The following F13A1 variants were observed in gnomAD, a reference collection of about 807,000 sequenced individuals.
The protein encoded by F13A1 is FSF, A subunit.
F13A1 carries 47 observed loss-of-function variants against 80.1 expected under a neutral mutation model. The ratio of observed to expected loss-of-function variants is 0.59; its 90% CI spans 0.46 to 0.75. The LOEUF is 0.75. F13A1 is among the 30% of genes least tolerant of loss of function. The pLI is 0.00. For missense variants in F13A1, 817 were observed against 930.4 expected, an observed-to-expected ratio of 0.88 and a Z score of 1.59; for synonymous variants, 349 against 344.9, an observed-to-expected ratio of 1.01 and a Z score of -0.13.
chr6:6,313,635 G>A (rs1742945), intron 2 of F13A1, among the ~76,000 whole-genome samples: 118,992 of 151,978 alleles, frequency 0.78, 47,243 homozygotes, highest in African/African-American at 0.92. Context: ...TGGTAATATT[G>A]TTATTGAACT....
At chr6:6,282,766 G>A (rs536164446) in intron 3 of F13A1, among the ~76,000 whole-genome samples, 1 of 152,316 alleles carries the variant, frequency 6.6e-6, no homozygotes, top group East Asian at 1.9e-4. Flanking sequence ...CACATCCAGT[G>A]ACTGATCACT....
At chr6:6,157,775 A>G (rs1264961916) in intron 13 of F13A1, among the ~76,000 whole-genome samples, 1 of 152,230 alleles carries the variant, frequency 6.6e-6, no homozygotes, top group Non-Finnish European at 1.5e-5. Flanking sequence ...CTGGGATTAC[A>G]GGACTGGAAT....
rs776930383 is a variant in F13A1, at chr6:6,318,503, C to A, written c.130+32G>T. The A allele has an allele frequency of 3.1e-6, 5 of 1,602,854 alleles. No homozygotes were observed. In the East Asian group the frequency reaches 1.1e-4, roughly 36 times the overall value. On this transcript the variant is annotated intron_variant, in intron 2 of 14. Transcript: ENST00000264870. ...GCCAGGGCCCGGCTGTGCCTGGACCCAGAGTGGTGGGGAAGGGGGGTATGC... is the reference window on the plus strand; with the variant it reads ...GCCAGGGCCCGGCTGTGCCTGGACCAAGAGTGGTGGGGAAGGGGGGTATGC...
At chr6:6,158,941 G>T (rs1437580514) in intron 13 of F13A1, among the ~76,000 whole-genome samples, 3 of 140,698 alleles carry the variant, frequency 2.1e-5, no homozygotes, top group Non-Finnish European at 3.0e-5. Context: ...TTGCTCTGTT[G>T]CCCAGGCTGG....
intron 12 of F13A1, among the ~76,000 whole-genome samples, chr6:6,169,688 C>A (rs1760738440): frequency 6.6e-6 from 1 of 152,158 alleles, no homozygotes; most frequent in Admixed American, 6.5e-5. Context: ...TGGGTTACTA[C>A]TGGAATCTGG....
At chr6:6,186,830 A>G (rs563733639) in intron 10 of F13A1, among the ~76,000 whole-genome samples, 6,041 of 150,036 alleles carry the variant, frequency 0.04, 438 homozygotes, top group African/African-American at 0.14. Flanking sequence ...GGCCATTTTC[A>G]CGATATTGAT....
At chr6:6,279,062 T>C (rs1758026450) in intron 3 of F13A1, among the ~76,000 whole-genome samples, 1 of 152,138 alleles carries the variant, frequency 6.6e-6, no homozygotes, top group African/African-American at 2.4e-5. Flanking sequence ...ATGTGTTTGC[T>C]TAAATTTACT....
chr6:6,198,504 A>G (rs1033917126), intron 8 of F13A1, among the ~76,000 whole-genome samples: 1 of 152,186 alleles, frequency 6.6e-6, no homozygotes, highest in African/African-American at 2.4e-5. Context: ...ACGCCCTTCA[A>G]TGTCAGCTGT....
At chr6:6,173,846 T>A (rs1235463532) in intron 12 of F13A1, among the ~76,000 whole-genome samples, 11 of 152,172 alleles carry the variant, frequency 7.2e-5, no homozygotes, top group African/African-American at 2.7e-4. Context: ...TTTAGATCCA[T>A]GCTCCACAAA....
chr6:6,181,016 A>C (rs112398321), intron 11 of F13A1, among the ~76,000 whole-genome samples: 131 of 152,296 alleles, frequency 8.6e-4, no homozygotes, highest in African/African-American at 1.4e-3. Context: ...CATGTTCCCC[A>C]TCAGGACACT....
chr6:6,173,471 G>A (rs1395966812), intron 12 of F13A1, among the ~76,000 whole-genome samples: 5 of 148,464 alleles, frequency 3.4e-5, no homozygotes, highest in Admixed American at 6.8e-5. Context: ...GCAGTGGCAC[G>A]ATCTCAGCTC....
intron 8 of F13A1, among the ~76,000 whole-genome samples, chr6:6,207,299 C>T (rs1397949741): frequency 1.3e-5 from 2 of 152,144 alleles, no homozygotes; most frequent in Non-Finnish European, 2.9e-5. Flanking sequence ...GCTTAACTTG[C>T]CTGGCAGCTC....
Position 6,299,048 on chromosome 6 carries a change from CTTTTCT to C in F13A1, c.319+6297_319+6302del, listed in dbSNP as rs1758378526. On this transcript the variant is annotated intron_variant, in intron 3 of 14. Coordinates refer to ENST00000264870, the MANE Select transcript of F13A1 (RefSeq NM_000129.4). ...GATATGAAATTCGGGGTTGAAAATT[CTTTTCT>C]TTAAGAATGTTGAATATTGGCCCCC... Among the ~76,000 whole-genome samples the C allele has an allele frequency of 1.4e-5, 2 of 146,972 alleles. 1 individual carries two copies.
At chr6:6,278,826 A>G (rs1245094493) in intron 3 of F13A1, among the ~76,000 whole-genome samples, 1 of 152,174 alleles carries the variant, frequency 6.6e-6, no homozygotes, top group Non-Finnish European at 1.5e-5. Flanking sequence ...TTTGGATCTT[A>G]TTCTGATTGA....
intron 3 of F13A1, among the ~76,000 whole-genome samples, chr6:6,299,205 G>T (rs1372434577): frequency 7.7e-6 from 1 of 129,746 alleles, no homozygotes; most frequent in African/African-American, 3.6e-5. Flanking sequence ...TTCAACTTTG[G>T]TGAATCTGAC....
At chr6:6,198,501 T>A (rs1308661182) in intron 8 of F13A1, among the ~76,000 whole-genome samples, 1 of 152,196 alleles carries the variant, frequency 6.6e-6, no homozygotes, top group African/African-American at 2.4e-5. Context: ...TAGACGCCCT[T>A]CAATGTCAGC....
intron 8 of F13A1, among the ~76,000 whole-genome samples, chr6:6,214,442 C>T (rs572518666): frequency 0.019 from 2,437 of 128,448 alleles, 118 homozygotes; most frequent in African/African-American, 0.068. Context: ...GGGTACATAA[C>T]GAAATGAAGG....
In F13A1 at chr6:6,195,877, G is replaced by A. The variant is rs752786253; in HGVS notation, c.1225C>T (p.Arg409Trp). The change falls in exon 10 of 15, where the codon CGG becomes TGG. Residue 409 changes from arginine to tryptophan, a missense_variant. Arg to Trp is a moderately radical substitution (Grantham distance 101). Transcript: ENST00000264870. ...TPQENSDGMY[R>W]CGPASVQAIK... The stretch of plus-strand genomic sequence containing the variant: ...GCTTGAACCGAGGCGGGGCCACACC[G>A]ATACATGCCTGCATTGCACAGAGGA... 7 of 1,613,946 alleles carry A rather than the reference G, an allele frequency of 4.3e-6. No homozygotes were observed. The highest frequency in any genetic ancestry group is 2.7e-5 in the African/African-American group (2 of 74,908).
intron 2 of F13A1, among the ~76,000 whole-genome samples, chr6:6,307,645 A>G (rs578025496): frequency 3.8e-4 from 58 of 152,308 alleles, no homozygotes; most frequent in Non-Finnish European, 6.8e-4. Context: ...ATATACTGAT[A>G]TTACATCCTT....
Sources: allele counts gnomAD v4.1 joint callset (sites outside exome capture counted in the v4.1 genomes callset), GRCh38; gene constraint gnomAD v4.1.1; transcripts MANE v1.5; gene names NCBI Gene and HGNC (gene_info 2026-07-23, HGNC 2026-07-21).